Variants in NRK observed in about 807,000 individuals in gnomAD.
NRK encodes the protein nik-related protein kinase.
In NRK, 67 loss-of-function variants were observed where a neutral mutation model predicts 125.2. The ratio of observed to expected loss-of-function variants is 0.54; its 90% CI spans 0.44 to 0.66. The LOEUF is 0.66. NRK is among the 30% of genes least tolerant of loss of function. The probability of loss-of-function intolerance (pLI) is 0.00; values close to 1 mark genes in which losing one functional copy is unlikely to be tolerated. For synonymous variants in NRK, 458 were observed against 429.0 expected (o/e 1.07, Z -0.84); for missense variants, 1,224 against 1,192.9 (o/e 1.03, Z -0.38).
At chrX:105,842,657 C>A (rs1341843558) in intron 2 of NRK, among the ~76,000 whole-genome samples, 11 of 111,472 alleles carry the variant, frequency 9.9e-5, no homozygotes, top group Non-Finnish European at 2.1e-4. Flanking sequence ...CATTTGTTCC[C>A]TGCCTGAGAA....
At position 105,932,818 on chromosome X, in the gene NRK, C is replaced by A. The variant is rs374671821; in HGVS notation, c.3313-1440C>A. Reference sequence around the variant, plus strand: ...CTTCATGGGCCAAATTAAGTATCAACTTTGACTTCCCAAGGCAGAGTTATA... The same window carrying A: ...CTTCATGGGCCAAATTAAGTATCAAATTTGACTTCCCAAGGCAGAGTTATA... On this transcript the variant is annotated intron_variant, in intron 19 of 28. Transcript: ENST00000243300. 3.6e-5 allele frequency among the ~76,000 whole-genome samples: 4 copies of A among 111,530 alleles called. No homozygotes were observed. The East Asian group carries it at 8.5e-4, about 24-fold the overall frequency.
chrX:105,902,629 CA>C (rs2040173414), intron 9 of NRK, among the ~76,000 whole-genome samples: 1 of 111,875 alleles, frequency 8.9e-6, no homozygotes, highest in African/African-American at 3.3e-5. Flanking sequence ...CATAGGTTCC[CA>C]AACCCTGGGC....
At chrX:105,922,160 G>A in intron 17 of NRK, 99 bp downstream of exon 17, 1 of 394,270 alleles carries the variant, frequency 2.5e-6, no homozygotes. Flanking sequence ...AGGTTAAAGA[G>A]TTTAGTTTTT....
Position 105,921,973 on chromosome X carries a change from C to G in NRK, c.2522C>G (p.Ser841Cys). Residue 841 changes from serine to cysteine, a missense_variant, in exon 17 of 29, where the codon TCT becomes TGT. Physicochemically the swap from Ser to Cys is moderately radical, Grantham distance 112. Transcript: ENST00000243300. ...QNWLAASESS[S>C]EEESPVTGRR... is the part of the protein sequence containing the mutation. Reference sequence around the variant, plus strand: ...TTTTGGCATTCCATAGAATCTTCTTCTGAGGAAGAAAGTCCTGTGACTGGA... The same window carrying G: ...TTTTGGCATTCCATAGAATCTTCTTGTGAGGAAGAAAGTCCTGTGACTGGA... 1 of 1,133,906 alleles carries G rather than the reference C, an allele frequency of 8.8e-7. No individual in the cohort carries two copies. Among genetic ancestry groups the G allele is most frequent in the African/African-American group, 1.8e-5 (1 of 56,227 alleles). The allele number at this position is 1,133,906 out of a possible 1,213,427, so 93.4% of individuals were successfully genotyped here.
At chrX:105,855,574 G>A (rs2039521941) in intron 2 of NRK, among the ~76,000 whole-genome samples, 1 of 111,399 alleles carries the variant, frequency 9.0e-6, no homozygotes, top group Non-Finnish European at 1.9e-5. Flanking sequence ...TCAGGTGATG[G>A]TCTCATAAAT....
chrX:105,839,789 C>G (rs1275934630), intron 2 of NRK, among the ~76,000 whole-genome samples: 1 of 110,683 alleles, frequency 9.0e-6, no homozygotes, highest in Non-Finnish European at 1.9e-5. Flanking sequence ...ATGACCGTGA[C>G]CGCTTTATTT....
chrX:105,944,774 G>A (rs751331901), intron 24 of NRK, among the ~76,000 whole-genome samples: 1 of 111,665 alleles, frequency 9.0e-6, no homozygotes, highest in African/African-American at 3.3e-5. Context: ...GGAAGGGGTT[G>A]GATGAGTCTA....
At position 105,934,456 on chromosome X, in the gene NRK, C is replaced by G; in HGVS notation, c.3499+12C>G. 1 of 1,097,603 alleles carries G rather than the reference C, an allele frequency of 9.1e-7. No individual in the cohort carries two copies. Among genetic ancestry groups the G allele is most frequent in the African/African-American group, 1.8e-5 (1 of 55,331 alleles). The allele number at this position is 1,097,603 out of a possible 1,213,427, so 90.5% of individuals were successfully genotyped here. A position where few individuals can be genotyped will look rare whatever the true frequency, so the allele number is the denominator to read the frequency against. ...TGCCAGTGCCATCTGTGAGTGTGTT[C>G]AATGTAATCTCTAAATGCTACTATC... On this transcript the variant is annotated intron_variant, in intron 20 of 28. Coordinates refer to ENST00000243300, the MANE Select transcript of NRK (RefSeq NM_198465.4).
chrX:105,926,374 G>A (rs1216852574), intron 19 of NRK, among the ~76,000 whole-genome samples: 4 of 111,776 alleles, frequency 3.6e-5, no homozygotes, highest in Non-Finnish European at 7.6e-5. Context: ...TTTCTGTTGA[G>A]TTGTTTGAGT....
chrX:105,827,810 T>C (rs1031922591), intron 1 of NRK, among the ~76,000 whole-genome samples: 1 of 112,251 alleles, frequency 8.9e-6, no homozygotes, highest in African/African-American at 3.2e-5. Context: ...ACTGACCATT[T>C]TGTATACCCA....
intron 2 of NRK, among the ~76,000 whole-genome samples, chrX:105,853,442 G>A (rs531252560): frequency 2.7e-5 from 3 of 112,031 alleles, no homozygotes; most frequent in African/African-American, 9.7e-5. Flanking sequence ...AGAAAATCAC[G>A]TTTTCATTGG....
intron 2 of NRK, among the ~76,000 whole-genome samples, chrX:105,850,723 G>A (rs1422777812): frequency 8.9e-6 from 1 of 111,954 alleles, no homozygotes; most frequent in Non-Finnish European, 1.9e-5. Flanking sequence ...AATGTAACAG[G>A]AGTCACCTTT....
chrX:105,880,119 A>T, intron 2 of NRK, 80 bp from the exon 3 acceptor site: 1 of 405,850 alleles, frequency 2.5e-6, no homozygotes, highest in Non-Finnish European at 4.2e-6. Context: ...CACTAATTTT[A>T]ATATTTTCTA....
intron 23 of NRK, 57 bp downstream of exon 23, chrX:105,940,089 TG>T: frequency 1.2e-6 from 1 of 852,630 alleles, no homozygotes; most frequent in Non-Finnish European, 1.7e-6. Context: ...TTTCATTTGG[TG>T]AACTACATAA....
At chrX:105,874,285 CT>C (rs1341996151) in intron 2 of NRK, among the ~76,000 whole-genome samples, 2 of 112,090 alleles carry the variant, frequency 1.8e-5, no homozygotes, top group African/African-American at 6.5e-5. Context: ...AGAGGACAGA[CT>C]TATAAAACAA....
Position 105,947,181 on chromosome X carries a change from C to T in NRK, c.4353+717C>T, listed in dbSNP as rs866343478. On this transcript the variant is annotated intron_variant, in intron 26 of 28. Coordinates refer to ENST00000243300, the MANE Select transcript of NRK (RefSeq NM_198465.4). Reference sequence around the variant, plus strand: ...ATATTTTGTGAAATACGGTGCAACACGCCTGTAATCCCAGCACTTTGGGAG... The same window carrying T: ...ATATTTTGTGAAATACGGTGCAACATGCCTGTAATCCCAGCACTTTGGGAG... Among the ~76,000 whole-genome samples the T allele has an allele frequency of 9.0e-4, 54 of 59,873 alleles. 7 individuals are homozygous for T. Among genetic ancestry groups the T allele is most frequent in the Non-Finnish European group, 3.4e-4 (12 of 34,972 alleles). 52.0% of individuals were successfully genotyped at this position (59,873 alleles called of 115,157 possible).
chrX:105,887,136 C>T (rs905396146), intron 4 of NRK, among the ~76,000 whole-genome samples: 1 of 112,113 alleles, frequency 8.9e-6, no homozygotes, highest in African/African-American at 3.2e-5. Context: ...ACTATCAAGA[C>T]AGTGAGAAAA....
At chrX:105,823,592 G>C (rs2039053771) in intron 1 of NRK, among the ~76,000 whole-genome samples, 1 of 107,255 alleles carries the variant, frequency 9.3e-6, no homozygotes, top group African/African-American at 3.4e-5. Flanking sequence ...GCTTTTTCTT[G>C]TGGTTTTCAT....
intron 27 of NRK, among the ~76,000 whole-genome samples, chrX:105,952,739 T>A (rs1445832879): frequency 1.8e-5 from 2 of 111,733 alleles, no homozygotes; most frequent in Non-Finnish European, 3.8e-5. Context: ...ACAAATGGGA[T>A]AGAATTAGTT....
Sources: gnomAD v4.1 joint callset for allele counts (sites outside exome capture counted in the v4.1 genomes callset) on GRCh38, gnomAD v4.1.1 for gene constraint, MANE v1.5 for transcripts, NCBI Gene and HGNC (gene_info 2026-07-23, HGNC 2026-07-21) for gene names.